CNOT6L: variants seen among roughly 807,000 people sequenced by gnomAD.
The protein encoded by CNOT6L is CCR4-NOT transcription complex subunit 6 like.
A neutral mutation model predicts 64.0 loss-of-function variants in CNOT6L; 7 were observed. That is an observed-to-expected ratio of 0.11 (90% CI 0.06 to 0.21). CNOT6L has a LOEUF of 0.21. Among genes scored for constraint, CNOT6L ranks in the 10% least tolerant of loss-of-function variants. CNOT6L has a pLI of 1.00. For missense variants in CNOT6L, 245 were observed against 669.0 expected (o/e 0.37, Z 6.99); for synonymous variants, 193 against 243.4 (o/e 0.79, Z 1.93).
At chr4:77,780,827 G>A (rs2110080278) in intron 1 of CNOT6L, among the ~76,000 whole-genome samples, 1 of 152,338 alleles carries the variant, frequency 6.6e-6, no homozygotes, top group East Asian at 1.9e-4. Context: ...GCTGGGCACA[G>A]CAGTATACTC....
intron 8 of CNOT6L, among the ~76,000 whole-genome samples, chr4:77,737,406 C>CTTTTTTTTTTTT (rs56952956): frequency 7.3e-5 from 6 of 82,380 alleles, no homozygotes; most frequent in African/African-American, 2.4e-4. Context: ...TTGTACCGTT[C>CTTTTTTTTTTTT]TTTTTTTTTT....
chr4:77,786,303 C>A (rs990094636), intron 1 of CNOT6L, among the ~76,000 whole-genome samples: 2 of 149,746 alleles, frequency 1.3e-5, no homozygotes, highest in Non-Finnish European at 3.0e-5. Context: ...GAAAGAGAGA[C>A]AGAGAGAGAG....
intron 4 of CNOT6L, among the ~76,000 whole-genome samples, chr4:77,771,165 C>CA (rs1727508093): frequency 6.6e-6 from 1 of 151,988 alleles, no homozygotes; most frequent in South Asian, 2.1e-4. Flanking sequence ...ACTAAAAATA[C>CA]AAAAAATTAG....
At chr4:77,759,439 C>T (rs1016933869) in intron 4 of CNOT6L, among the ~76,000 whole-genome samples, 3 of 151,938 alleles carry the variant, frequency 2.0e-5, no homozygotes, top group African/African-American at 7.3e-5. Flanking sequence ...GTTGCGGGCG[C>T]TTGTAGTCCC....
At chr4:77,816,583 T>C (rs535884000) in intron 1 of CNOT6L, among the ~76,000 whole-genome samples, 1 of 152,308 alleles carries the variant, frequency 6.6e-6, no homozygotes, top group African/African-American at 2.4e-5. Context: ...CCTGTGACTC[T>C]TACCTTCACA....
At chr4:77,726,114 T>C in intron 11 of CNOT6L, 53 bp downstream of exon 11, 2 of 1,475,674 alleles carry the variant, frequency 1.4e-6, no homozygotes, top group Non-Finnish European at 1.9e-6. Context: ...CCTTTTTTGT[T>C]ACATGCTTGT....
At chr4:77,799,351 G>A (rs903147182) in intron 1 of CNOT6L, among the ~76,000 whole-genome samples, 1 of 152,150 alleles carries the variant, frequency 6.6e-6, no homozygotes, top group Non-Finnish European at 1.5e-5. Flanking sequence ...GGTTGAGGCT[G>A]CAGTGAACCA....
At chr4:77,819,201 C>G in intron 1 of CNOT6L, 103 bp downstream of exon 1, 3 of 1,609,212 alleles carry the variant, frequency 1.9e-6, no homozygotes, top group Non-Finnish European at 2.5e-6. Context: ...TCCCAACTCG[C>G]ACACCCACAC....
intron 4 of CNOT6L, among the ~76,000 whole-genome samples, chr4:77,769,318 G>C (rs1466734247): frequency 2.0e-5 from 3 of 152,132 alleles, no homozygotes; most frequent in Non-Finnish European, 2.9e-5. Context: ...AAAAGGTATA[G>C]GGGATCTATA....
rs1277632012 is a variant in CNOT6L at position 77,718,082 on chromosome 4, T to A, written c.*2349A>T. 1 of 152,588 alleles carries A rather than the reference T, an allele frequency of 6.6e-6. No homozygotes were observed. The highest frequency in any genetic ancestry group is 1.5e-5 in the Non-Finnish European group (1 of 68,018). 9.5% of individuals were successfully genotyped at this position (152,588 alleles called of 1,614,324 possible). ...CTACATTTAACTATTAAAAAAGTTT[T>A]TTATTAATAAATGGGCTCCTCTGTG... On this transcript the variant is annotated 3_prime_UTR_variant, in exon 12 of 12. Coordinates refer to ENST00000504123, the MANE Select transcript of CNOT6L (RefSeq NM_144571.3).
At chr4:77,767,114 TA>T (rs11392956) in intron 4 of CNOT6L, among the ~76,000 whole-genome samples, 106 of 121,974 alleles carry the variant, frequency 8.7e-4, no homozygotes, top group African/African-American at 2.4e-3. Flanking sequence ...TGGTTTACAA[TA>T]AAAAAAAAAA....
chr4:77,793,591 AAAACTCTGAGGACAGAGCAGGAG>A (rs1730432078), intron 1 of CNOT6L, among the ~76,000 whole-genome samples: 1 of 151,114 alleles, frequency 6.6e-6, no homozygotes, highest in African/African-American at 2.5e-5. Flanking sequence ...ATGGACTTGG[AAAACTCTGAGGACAGAGCAGGAG>A]AACAGAGAAA....
chr4:77,790,535 T>C (rs1730009215), intron 1 of CNOT6L, among the ~76,000 whole-genome samples: 1 of 152,210 alleles, frequency 6.6e-6, no homozygotes, highest in Non-Finnish European at 1.5e-5. Flanking sequence ...TCACCAGCAA[T>C]GAATTCCCAT....
chr4:77,818,224 C>T (rs1031995855), intron 1 of CNOT6L, among the ~76,000 whole-genome samples: 9 of 152,324 alleles, frequency 5.9e-5, no homozygotes, highest in African/African-American at 1.7e-4. Flanking sequence ...ACACAATCCA[C>T]CTAAACAGTC....
At chr4:77,810,701 T>C (rs912762357) in intron 1 of CNOT6L, among the ~76,000 whole-genome samples, 1 of 152,166 alleles carries the variant, frequency 6.6e-6, no homozygotes, top group African/African-American at 2.4e-5. Flanking sequence ...TATTGTTAAC[T>C]ATAGTCATCC....
intron 1 of CNOT6L, among the ~76,000 whole-genome samples, chr4:77,808,089 T>A (rs1732460643): frequency 6.6e-6 from 1 of 151,942 alleles, no homozygotes; most frequent in Non-Finnish European, 1.5e-5. Flanking sequence ...AACAAAAAAA[T>A]TACAGCAAAA....
chr4:77,787,308 A>C (rs1226759683), intron 1 of CNOT6L, among the ~76,000 whole-genome samples: 1 of 152,020 alleles, frequency 6.6e-6, no homozygotes, highest in Non-Finnish European at 1.5e-5. Flanking sequence ...GACACTACTA[A>C]TCCTAGTTGC....
intron 5 of CNOT6L, among the ~76,000 whole-genome samples, chr4:77,750,444 C>T (rs567574945): frequency 1.7e-4 from 26 of 152,206 alleles, no homozygotes; most frequent in African/African-American, 5.5e-4. Flanking sequence ...TTCCGCCTCC[C>T]GGGTTCACGC....
chr4:77,727,487 A>G (rs998457560), intron 10 of CNOT6L, among the ~76,000 whole-genome samples: 2 of 143,860 alleles, frequency 1.4e-5, no homozygotes, highest in African/African-American at 5.3e-5. Flanking sequence ...AATTGCTTGA[A>G]CCCGGGAGGC....
Sources: gnomAD v4.1 joint callset for allele counts (sites outside exome capture counted in the v4.1 genomes callset) on GRCh38, gnomAD v4.1.1 for gene constraint, MANE v1.5 for transcripts, NCBI Gene and HGNC (gene_info 2026-07-23, HGNC 2026-07-21) for gene names.